The following CYRIB variants were observed in gnomAD, a reference collection of about 807,000 sequenced individuals.
CYRIB encodes CYFIP related Rac1 interactor B, also known as CYFIP-related Rac1 interactor B.
In CYRIB, 8 loss-of-function variants were observed where a neutral mutation model predicts 44.2. The observed-to-expected ratio is 0.18, with a 90% confidence interval of 0.11 to 0.33. The LOEUF (loss-of-function observed/expected upper bound fraction) is 0.33, where lower values mean the gene tolerates loss of function less well. Ranked by LOEUF, CYRIB falls within the 10% of genes least tolerant of loss-of-function variation. The probability of loss-of-function intolerance (pLI) is 1.00; values close to 1 mark genes in which losing one functional copy is unlikely to be tolerated. For missense variants in CYRIB, 185 were observed against 382.8 expected (o/e 0.48, Z 4.31); for synonymous variants, 131 against 127.2 (o/e 1.03, Z -0.20).
intron 1 of CYRIB, among the ~76,000 whole-genome samples, chr8:129,980,834 A>T (rs1197560783): frequency 6.6e-6 from 1 of 151,842 alleles, no homozygotes; most frequent in Non-Finnish European, 1.5e-5. Flanking sequence ...ATACAAAAAA[A>T]TTAGCTGGTC....
At chr8:129,864,641 T>G (rs952368625) in intron 4 of CYRIB, 1 of 212,802 alleles carries the variant, frequency 4.7e-6, no homozygotes, top group African/African-American at 2.4e-5. Context: ...TTATGTCATA[T>G]ATAGGATTTG....
chr8:129,875,380 A>AT (rs1045846972), intron 3 of CYRIB, among the ~76,000 whole-genome samples: 13 of 150,522 alleles, frequency 8.6e-5, no homozygotes, highest in South Asian at 4.2e-4. Flanking sequence ...TAATTAAAAA[A>AT]TTTTTTTTTT....
intron 1 of CYRIB, among the ~76,000 whole-genome samples, chr8:130,000,480 G>T (rs1592183838): frequency 6.6e-6 from 1 of 151,874 alleles, no homozygotes; most frequent in South Asian, 2.1e-4. Flanking sequence ...ATCACTTGAG[G>T]TCAGGAGTTC....
exon 7 of CYRIB, chr8:129,854,300 C>T: frequency 6.2e-7 from 1 of 1,610,788 alleles, no homozygotes; most frequent in Non-Finnish European, 8.5e-7. Flanking sequence ...ACTCAATGTT[C>T]TTCTATAATA....
chr8:129,867,186 C>T (rs928385477), intron 4 of CYRIB, among the ~76,000 whole-genome samples: 3 of 152,016 alleles, frequency 2.0e-5, no homozygotes, highest in Admixed American at 1.3e-4. Flanking sequence ...TGCAATGGTG[C>T]AATCTCAGCT....
chr8:129,893,039 T>C (rs2066156432), intron 2 of CYRIB, among the ~76,000 whole-genome samples: 1 of 152,210 alleles, frequency 6.6e-6, no homozygotes, highest in Admixed American at 6.5e-5. Flanking sequence ...ATCAGTAATT[T>C]TGAATGTTTA....
chr8:129,868,078 TATTA>T (rs1347864965), intron 4 of CYRIB, among the ~76,000 whole-genome samples: 1 of 152,350 alleles, frequency 6.6e-6, no homozygotes, highest in Non-Finnish European at 1.5e-5. Flanking sequence ...CTCTAAGTCT[TATTA>T]ATTAACACTA....
chr8:130,014,009 T>C (rs956160653), intron 1 of CYRIB, among the ~76,000 whole-genome samples: 56 of 152,156 alleles, frequency 3.7e-4, no homozygotes, highest in Admixed American at 3.6e-3. Context: ...GCTGAAGACT[T>C]AGGCAAGGAC....
At chr8:129,869,494 C>CT in intron 4 of CYRIB, among the ~76,000 whole-genome samples, 1 of 151,016 alleles carries the variant, frequency 6.6e-6, no homozygotes, top group East Asian at 1.9e-4. Flanking sequence ...AATGACCTAA[C>CT]ACTTATAAAC....
intron 1 of CYRIB, among the ~76,000 whole-genome samples, chr8:129,903,835 C>G (rs1193170429): frequency 6.6e-6 from 1 of 152,168 alleles, no homozygotes; most frequent in Non-Finnish European, 1.5e-5. Flanking sequence ...TGACCATAAC[C>G]TATTATTTGC....
intron 1 of CYRIB, among the ~76,000 whole-genome samples, chr8:130,003,895 T>C (rs2096967138): frequency 6.6e-6 from 1 of 152,214 alleles, no homozygotes; most frequent in Non-Finnish European, 1.5e-5. Flanking sequence ...GCCGAAGCCC[T>C]TTCAGATCAA....
chr8:129,978,857 C>T (rs750388743), intron 1 of CYRIB, among the ~76,000 whole-genome samples: 1 of 152,130 alleles, frequency 6.6e-6, no homozygotes, highest in Non-Finnish European at 1.5e-5. Context: ...CAATGTTGGC[C>T]GGGTGCGGTG....
chr8:129,890,978 T>C (rs201861355), intron 2 of CYRIB, among the ~76,000 whole-genome samples: 1 of 145,682 alleles, frequency 6.9e-6, no homozygotes, highest in East Asian at 2.0e-4. Flanking sequence ...CAAAAGGAAA[T>C]GAAAAGGTGG....
chr8:129,909,149 T>C (rs1174731405), intron 1 of CYRIB, among the ~76,000 whole-genome samples: 1 of 152,092 alleles, frequency 6.6e-6, no homozygotes, highest in African/African-American at 2.4e-5. Flanking sequence ...AATACCAACA[T>C]TTCTAATTAT....
At chr8:129,996,851 A>T in intron 1 of CYRIB, among the ~76,000 whole-genome samples, 1 of 152,104 alleles carries the variant, frequency 6.6e-6, no homozygotes, top group East Asian at 1.9e-4. Context: ...CCTGTGATTA[A>T]AAGAAAGAAA....
intron 2 of CYRIB, among the ~76,000 whole-genome samples, chr8:129,881,737 C>A (rs2060881496): frequency 6.6e-6 from 1 of 152,078 alleles, no homozygotes; most frequent in Non-Finnish European, 1.5e-5. Flanking sequence ...ATTAACATTT[C>A]TATTACACAG....
chr8:129,840,954 A>G (rs191598146), exon 12 of CYRIB: 1 of 152,224 alleles, frequency 6.6e-6, no homozygotes, highest in African/African-American at 2.4e-5. Context: ...TAAATATTTA[A>G]AACACTGGCA....
At chr8:129,864,741 C>T (rs2052407098) in intron 4 of CYRIB, 5 of 348,324 alleles carry the variant, frequency 1.4e-5, no homozygotes, top group Non-Finnish European at 2.8e-5. Flanking sequence ...CTGAAGTTTG[C>T]TCAAAGCCTT....
chr8:129,967,776 C>T (rs563411679), intron 2 of CYRIB, among the ~76,000 whole-genome samples: 204 of 152,258 alleles, frequency 1.3e-3, no homozygotes, highest in Non-Finnish European at 2.0e-3. Context: ...ATATTTTGCC[C>T]TCAATGGTGA....
Sources: gnomAD v4.1 joint callset for allele counts (sites outside exome capture counted in the v4.1 genomes callset) on GRCh38, gnomAD v4.1.1 for gene constraint, MANE v1.5 for transcripts, NCBI Gene and HGNC (gene_info 2026-07-23, HGNC 2026-07-21) for gene names.